SEM1: variants seen among roughly 807,000 people sequenced by gnomAD.
SEM1 encodes the protein 26S proteasome complex subunit SEM1.
In SEM1, 3 loss-of-function variants were observed where a neutral mutation model predicts 12.7. That is an observed-to-expected ratio of 0.24 (90% CI 0.11 to 0.61). The LOEUF is 0.61. Among genes scored for constraint, SEM1 ranks in the 20% least tolerant of loss-of-function variants. SEM1 has a pLI of 0.88. For missense variants in SEM1, 59 were observed against 81.3 expected, an observed-to-expected ratio of 0.73 and a Z score of 1.06; for synonymous variants, 30 against 27.8, an observed-to-expected ratio of 1.08 and a Z score of -0.25.
chr7:96,693,849 T>G (rs1790008435), intron 2 of SEM1, among the ~76,000 whole-genome samples: 2 of 151,676 alleles, frequency 1.3e-5, no homozygotes, highest in African/African-American at 4.8e-5. Context: ...CTCAAATATA[T>G]GTACACGTAC....
At chr7:96,622,520 T>C (rs1807927255), downstream of SEM1, 1 of 703,396 alleles carries the variant, frequency 1.4e-6, no homozygotes, top group Non-Finnish European at 2.6e-6. Context: ...TGCTGGAAGC[T>C]CTCATATGGC....
chr7:96,588,337 A>C (rs1223072583), intron 2 of SEM1, among the ~76,000 whole-genome samples: 1 of 144,348 alleles, frequency 6.9e-6, no homozygotes, highest in African/African-American at 2.6e-5. Context: ...ACAGAGCAAG[A>C]TCATGTCTAA....
At chr7:96,500,374 A>T (rs1420654344), upstream of SEM1, among the ~76,000 whole-genome samples, 1 of 152,080 alleles carries the variant, frequency 6.6e-6, no homozygotes, top group Admixed American at 6.5e-5. Context: ...TTCACTACTT[A>T]CTACCTGTGT....
chr7:96,484,208 G>A (rs1401194973), intron 3 of SEM1, among the ~76,000 whole-genome samples: 14 of 152,146 alleles, frequency 9.2e-5, no homozygotes, highest in Non-Finnish European at 1.5e-4. Context: ...TAGGTCCAGA[G>A]GTTATGCCCT....
intron 2 of SEM1, among the ~76,000 whole-genome samples, chr7:96,525,180 G>T (rs758101740): frequency 6.6e-6 from 1 of 151,454 alleles, no homozygotes; most frequent in South Asian, 2.1e-4. Context: ...CCTTCTCTGC[G>T]TGCCAATCTC....
intron 2 of SEM1, among the ~76,000 whole-genome samples, chr7:96,574,783 A>G (rs1292835070): frequency 6.6e-6 from 1 of 152,086 alleles, no homozygotes; most frequent in African/African-American, 2.4e-5. Flanking sequence ...TGCTTCATGA[A>G]GTTCTCGTGC....
chr7:96,655,658 T>A (rs1392326072), intron 2 of SEM1, among the ~76,000 whole-genome samples: 1 of 152,102 alleles, frequency 6.6e-6, no homozygotes, highest in Non-Finnish European at 1.5e-5. Context: ...ACCATTATCA[T>A]GATAATGAAC....
At chr7:96,599,085 GA>G (rs952211798) in intron 2 of SEM1, among the ~76,000 whole-genome samples, 159 of 152,114 alleles carry the variant, frequency 1.0e-3, no homozygotes, top group African/African-American at 3.7e-3. Context: ...GGAAGGGAAG[GA>G]AAAAGGAAAG....
downstream of SEM1, among the ~76,000 whole-genome samples, chr7:96,686,194 T>C (rs989514716): frequency 2.0e-5 from 3 of 152,144 alleles, no homozygotes; most frequent in African/African-American, 7.2e-5. Flanking sequence ...AATCTACAAA[T>C]TGTAAAATTT....
At chr7:96,504,025 G>A (rs1803663335) in intron 3 of SEM1, among the ~76,000 whole-genome samples, 1 of 152,088 alleles carries the variant, frequency 6.6e-6, no homozygotes, top group Admixed American at 6.5e-5. Context: ...GCTGCAGGTA[G>A]TAGTTCTTAA....
rs932554062 is a variant in SEM1 at position 96,689,032 on chromosome 7, CAATA to C, written c.171-70_171-67del. 5 of 973,570 alleles carry C rather than the reference CAATA, an allele frequency of 5.1e-6. No homozygotes were observed. In the African/African-American group the frequency reaches 6.6e-5, roughly 13 times the overall value. 60.3% of individuals were successfully genotyped at this position (973,570 alleles called of 1,614,324 possible). On this transcript the variant is annotated intron_variant, in intron 2 of 2. Transcript: ENST00000248566. ...AATAAACATTCTTTTAGAAACAATA[CAATA>C]AATAAACAAATAAATGAGCTATGCC...
At chr7:96,644,153 G>A (rs1242477634) in intron 2 of SEM1, among the ~76,000 whole-genome samples, 2 of 152,186 alleles carry the variant, frequency 1.3e-5, no homozygotes, top group East Asian at 3.9e-4. Context: ...TGACGTGGAA[G>A]GATGAAAGGC....
At chr7:96,653,537 T>C (rs1809070156) in intron 2 of SEM1, among the ~76,000 whole-genome samples, 2 of 152,104 alleles carry the variant, frequency 1.3e-5, no homozygotes, top group Admixed American at 1.3e-4. Context: ...GACCCAGCAA[T>C]GGGAAGAGGA....
chr7:96,643,910 A>G (rs568450576), intron 2 of SEM1, among the ~76,000 whole-genome samples: 11 of 152,074 alleles, frequency 7.2e-5, no homozygotes, highest in Non-Finnish European at 1.6e-4. Context: ...TGTTTTGCCC[A>G]CTTTCTTCTC....
chr7:96,671,586 G>A (rs1327137118), downstream of SEM1, among the ~76,000 whole-genome samples: 1 of 152,130 alleles, frequency 6.6e-6, no homozygotes, highest in African/African-American at 2.4e-5. Context: ...CTGAAAGGGA[G>A]GCACAGAGCT....
chr7:96,635,556 T>A (rs955804185), intron 2 of SEM1, among the ~76,000 whole-genome samples: 2 of 152,082 alleles, frequency 1.3e-5, no homozygotes, highest in African/African-American at 4.8e-5. Flanking sequence ...CAGACAGGTA[T>A]TGAAGCAGAC....
chr7:96,523,527 T>G (rs1321886085), intron 2 of SEM1, among the ~76,000 whole-genome samples: 1 of 152,092 alleles, frequency 6.6e-6, no homozygotes, highest in Non-Finnish European at 1.5e-5. Flanking sequence ...ATCAGCATAT[T>G]TCTTGGTTCC....
chr7:96,598,990 G>C (rs1014092545), intron 2 of SEM1, among the ~76,000 whole-genome samples: 3 of 151,916 alleles, frequency 2.0e-5, no homozygotes, highest in African/African-American at 7.3e-5. Flanking sequence ...CAACCAAGAG[G>C]GAAGCTGTGC....
At chr7:96,632,978 G>GT (rs906299707) in intron 2 of SEM1, among the ~76,000 whole-genome samples, 7 of 151,636 alleles carry the variant, frequency 4.6e-5, no homozygotes, top group Non-Finnish European at 8.8e-5. Context: ...CTGGTGTAGA[G>GT]TTTTTTTAAT....
Sources: gnomAD v4.1 joint callset for allele counts (sites outside exome capture counted in the v4.1 genomes callset) on GRCh38, gnomAD v4.1.1 for gene constraint, MANE v1.5 for transcripts, NCBI Gene and HGNC (gene_info 2026-07-23, HGNC 2026-07-21) for gene names.